The following DESI2 variants were observed in gnomAD, a reference collection of about 807,000 sequenced individuals.
DESI2 encodes the protein deubiquitinase DESI2.
In DESI2, 10 loss-of-function variants were observed where a neutral mutation model predicts 24.1. The ratio of observed to expected loss-of-function variants is 0.41; its 90% CI spans 0.26 to 0.70. The LOEUF (loss-of-function observed/expected upper bound fraction) is 0.70. Ranked by LOEUF, DESI2 falls within the 30% of genes least tolerant of loss-of-function variation. The pLI is 0.29. For synonymous variants in DESI2, 71 were observed against 87.7 expected (o/e 0.81, Z 1.06); for missense variants, 122 against 234.9 (o/e 0.52, Z 3.14).
chr1:244,681,506 A>T (rs1676612876), intron 1 of DESI2, among the ~76,000 whole-genome samples: 1 of 152,048 alleles, frequency 6.6e-6, no homozygotes, highest in Non-Finnish European at 1.5e-5. Context: ...GGGAGGGAGG[A>T]TGGTTTCAAG....
At chr1:244,699,574 G>A (rs996144570) in intron 4 of DESI2, among the ~76,000 whole-genome samples, 5 of 73,228 alleles carry the variant, frequency 6.8e-5, no homozygotes, top group Admixed American at 2.4e-4. Context: ...GAGTGAGACT[G>A]TCTCAAAAAA....
At chr1:244,666,407 T>G (rs1676048619) in intron 1 of DESI2, among the ~76,000 whole-genome samples, 1 of 152,200 alleles carries the variant, frequency 6.6e-6, no homozygotes, top group African/African-American at 2.4e-5. Context: ...TTTTTTTACT[T>G]TCTACTCTAT....
intron 1 of DESI2, among the ~76,000 whole-genome samples, chr1:244,671,158 G>A (rs1453466669): frequency 3.3e-5 from 5 of 152,102 alleles, no homozygotes; most frequent in African/African-American, 1.2e-4. Context: ...CTGCTTTACT[G>A]TTTTCCTTTG....
chr1:244,702,340 G>A (rs779605284), intron 4 of DESI2, among the ~76,000 whole-genome samples: 20 of 152,062 alleles, frequency 1.3e-4, no homozygotes, highest in African/African-American at 2.7e-4. Context: ...ATGGTGAAAC[G>A]CCGTCTCTAC....
chr1:244,696,939 G>A (rs774357722), intron 4 of DESI2, among the ~76,000 whole-genome samples: 16 of 152,156 alleles, frequency 1.1e-4, no homozygotes, highest in Non-Finnish European at 2.1e-4. Flanking sequence ...AGTCTGTAAT[G>A]ATCTTCCCTG....
chr1:244,691,485 T>C (rs1473769778), intron 3 of DESI2, among the ~76,000 whole-genome samples: 2 of 152,260 alleles, frequency 1.3e-5, no homozygotes, highest in Non-Finnish European at 2.9e-5. Flanking sequence ...CTAGGTGACA[T>C]TATGGCCAGC....
intron 4 of DESI2, among the ~76,000 whole-genome samples, chr1:244,697,860 A>G (rs1220240774): frequency 2.0e-5 from 3 of 152,192 alleles, no homozygotes; most frequent in African/African-American, 7.2e-5. Context: ...AAGTAGGAGG[A>G]AAAAAGGTTG....
chr1:244,686,717 TA>T (rs544894612), intron 2 of DESI2, 48 bp downstream of exon 2: 2 of 1,263,772 alleles, frequency 1.6e-6, no homozygotes, highest in Admixed American at 1.8e-5. Flanking sequence ...TTTTGTACTT[TA>T]AAAGAGTTGC....
rs1356328498 is a variant in DESI2, at chr1:244,706,021, G to A, written c.*232G>A. On this transcript the variant is annotated 3_prime_UTR_variant, in exon 5 of 5. Transcript: ENST00000302550. ...TTTTTTTTATCCACTCGTAAATCTG[G>A]ATTTATTTCTTCTGTTTTATACAAG... is the stretch of plus-strand genomic sequence containing the variant. 2 of 510,320 alleles carry A rather than the reference G, an allele frequency of 3.9e-6. No individual in the cohort carries two copies. The highest frequency in any genetic ancestry group is 3.8e-5 in the African/African-American group (2 of 51,956). The allele number at this position is 510,320 out of a possible 1,614,324, so 31.6% of individuals were successfully genotyped here.
intron 3 of DESI2, 116 bp from the exon 4 acceptor site, chr1:244,691,763 T>A: frequency 1.2e-6 from 1 of 803,974 alleles, no homozygotes; most frequent in Non-Finnish European, 1.9e-6. Context: ...CCTGATTTGT[T>A]ATGTCGATCA....
intron 1 of DESI2, among the ~76,000 whole-genome samples, chr1:244,684,291 GAACA>G (rs1208038259): frequency 3.3e-5 from 5 of 151,992 alleles, no homozygotes; most frequent in African/African-American, 1.2e-4. Context: ...AAATTTAGAA[GAACA>G]AACAATCCTG....
At chr1:244,673,910 TG>T (rs909506929) in intron 1 of DESI2, among the ~76,000 whole-genome samples, 1 of 152,164 alleles carries the variant, frequency 6.6e-6, no homozygotes, top group African/African-American at 2.4e-5. Flanking sequence ...GAAGAGTTTT[TG>T]TTTAGGTTTG....
In DESI2 at chr1:244,689,355, G is replaced by A. The variant is rs914985618; in HGVS notation, c.209+13G>A. 1 of 1,297,798 alleles carries A rather than the reference G, an allele frequency of 7.7e-7. No homozygotes were observed. Among genetic ancestry groups the A allele is most frequent in the Admixed American group, 1.7e-5 (1 of 59,042 alleles). 80.4% of individuals were successfully genotyped at this position (1,297,798 alleles called of 1,614,324 possible). ...CATTTAAATTTAAGTAAGTAGGGAG[G>A]ATAATTTTTATTACACTGTCTTAGG... is the stretch of plus-strand genomic sequence containing the variant. On this transcript the variant is annotated intron_variant, in intron 3 of 4. Coordinates refer to ENST00000302550, the MANE Select transcript of DESI2 (RefSeq NM_016076.5). This position sits in a 1 kb window ranked among gnomAD's most constrained non-coding sequence, Gnocchi z 4.0.
chr1:244,704,500 A>G (rs11586279), intron 4 of DESI2, among the ~76,000 whole-genome samples: 36,817 of 152,036 alleles, frequency 0.24, 4,525 homozygotes, highest in South Asian at 0.34. Flanking sequence ...GTGGGCAACT[A>G]TAGAAGCAGC....
chr1:244,675,036 G>T (rs890034792), intron 1 of DESI2, among the ~76,000 whole-genome samples: 1 of 152,108 alleles, frequency 6.6e-6, no homozygotes, highest in Non-Finnish European at 1.5e-5. Context: ...CTGTCTTTTT[G>T]ATTATAGTCA....
At chr1:244,670,807 C>T (rs911676427) in intron 1 of DESI2, among the ~76,000 whole-genome samples, 3 of 152,220 alleles carry the variant, frequency 2.0e-5, no homozygotes, top group Non-Finnish European at 1.5e-5. Flanking sequence ...CAAGGCAAAG[C>T]ACATAGGTCT....
At chr1:244,703,198 C>T (rs1677545426) in intron 4 of DESI2, among the ~76,000 whole-genome samples, 1 of 151,952 alleles carries the variant, frequency 6.6e-6, no homozygotes, top group Admixed American at 6.6e-5. Context: ...GATGAGGTTT[C>T]ACTATGTTGG....
At chr1:244,660,891 G>A (rs1319343149) in intron 1 of DESI2, among the ~76,000 whole-genome samples, 8 of 152,072 alleles carry the variant, frequency 5.3e-5, no homozygotes, top group Non-Finnish European at 8.8e-5. Context: ...ATACTTTCAC[G>A]TTATATTTGG....
rs182483848 is a variant in DESI2 at position 244,661,812 on chromosome 1, A to T, written c.42+8457A>T. 8.9e-4 allele frequency among the ~76,000 whole-genome samples: 135 copies of T among 152,262 alleles called. 2 individuals carry two copies. Among genetic ancestry groups the T allele is most frequent in the African/African-American group, 3.0e-3 (126 of 41,534 alleles). ...ATTTTCTTAATCCAGTCTATCATTG[A>T]TGGACATTTGGGTTGGTTCCAAGTC... is the stretch of plus-strand genomic sequence containing the variant. On this transcript the variant is annotated intron_variant, in intron 1 of 4. Transcript: ENST00000302550.
Sources: gnomAD v4.1 joint callset for allele counts (sites outside exome capture counted in the v4.1 genomes callset) on GRCh38, gnomAD v4.1.1 for gene constraint, Gnocchi (gnomAD v3.1) non-coding constraint, MANE v1.5 for transcripts, NCBI Gene and HGNC (gene_info 2026-07-23, HGNC 2026-07-21) for gene names.